C3orf52: variants seen among roughly 807,000 people sequenced by gnomAD.
The protein encoded by C3orf52 is TPA-induced transmembrane protein.
A neutral mutation model predicts 24.8 loss-of-function variants in C3orf52; 22 were observed. The observed-to-expected ratio is 0.89, with a 90% CI of 0.63 to 1.27. The LOEUF (loss-of-function observed/expected upper bound fraction) is 1.27, where lower values mean the gene tolerates loss of function less well. Among genes scored for constraint, C3orf52 ranks in the 50% most tolerant of loss-of-function variants. C3orf52 has a pLI of 0.00. For synonymous variants in C3orf52, 93 were observed against 100.2 expected, an observed-to-expected ratio of 0.93 and a Z score of 0.43; for missense variants, 265 against 260.7, an observed-to-expected ratio of 1.02 and a Z score of -0.11.
intron 1 of C3orf52, among the ~76,000 whole-genome samples, chr3:112,089,461 G>A (rs1480566426): frequency 1.3e-5 from 2 of 151,428 alleles, no homozygotes; most frequent in South Asian, 2.1e-4. Flanking sequence ...CCTGGGAGGC[G>A]GAGGTCGTGG....
intron 1 of C3orf52, among the ~76,000 whole-genome samples, chr3:112,090,581 T>G (rs951985592): frequency 7.2e-5 from 11 of 152,180 alleles, no homozygotes; most frequent in African/African-American, 2.7e-4. Context: ...GACAGGTCAG[T>G]GAGGGCACTA....
intron 4 of C3orf52, among the ~76,000 whole-genome samples, chr3:112,124,374 C>T (rs768532498): frequency 1.4e-4 from 21 of 152,186 alleles, no homozygotes; most frequent in South Asian, 4.2e-4. Context: ...TTTGGGAGGC[C>T]GAAGTGGGTG....
intron 3 of C3orf52, among the ~76,000 whole-genome samples, chr3:112,103,191 C>CA (rs2073990951): frequency 6.6e-6 from 1 of 152,064 alleles, no homozygotes; most frequent in Non-Finnish European, 1.5e-5. Context: ...AAGAGAGGAA[C>CA]AGACACTGGG....
chr3:112,088,219 T>C (rs1230214435), intron 1 of C3orf52, among the ~76,000 whole-genome samples: 1 of 152,228 alleles, frequency 6.6e-6, no homozygotes, highest in East Asian at 1.9e-4. Flanking sequence ...GTTCAAGGAA[T>C]GCCTTGAACT....
At chr3:112,109,635 T>C in intron 4 of C3orf52, 22 bp downstream of exon 4, 1 of 1,449,472 alleles carries the variant, frequency 6.9e-7, no homozygotes, top group Non-Finnish European at 9.6e-7. Context: ...GAACATTACA[T>C]TTTGCTCTCT....
intron 5 of C3orf52, among the ~76,000 whole-genome samples, chr3:112,115,880 A>G (rs2074129397): frequency 1.3e-5 from 2 of 152,194 alleles, no homozygotes; most frequent in Non-Finnish European, 1.5e-5. Context: ...TTTTAAGTCC[A>G]TCATCCCTCA....
rs2074154570 is a variant in C3orf52 at position 112,118,056 on chromosome 3, C to T, written c.*1410C>T. On this transcript the variant is annotated 3_prime_UTR_variant, in exon 6 of 6. Transcript: ENST00000264848. Reference sequence around the variant, plus strand: ...CATTGTCTCATTTTAGTGATTGTTCCTTAAACTAGTGAAACTAGTGGATTT... The same window carrying T: ...CATTGTCTCATTTTAGTGATTGTTCTTTAAACTAGTGAAACTAGTGGATTT... 6.6e-6 allele frequency: 1 copy of T among 152,174 alleles called. No individual in the cohort carries two copies. Among genetic ancestry groups the T allele is most frequent in the Admixed American group, 6.5e-5 (1 of 15,288 alleles). 9.4% of individuals were successfully genotyped at this position (152,174 alleles called of 1,614,324 possible). A position where few individuals can be genotyped will look rare whatever the true frequency, so the allele number is the denominator to read the frequency against.
chr3:112,107,374 C>T (rs148217743), intron 3 of C3orf52, among the ~76,000 whole-genome samples: 126 of 152,352 alleles, frequency 8.3e-4, no homozygotes, highest in African/African-American at 2.8e-3. Context: ...TCCATCACAG[C>T]ATCCCCGTGA....
At chr3:112,128,702 T>C (rs1434969080) in exon 5 of C3orf52, 1 of 162,918 alleles carries the variant, frequency 6.1e-6, no homozygotes, top group Non-Finnish European at 1.4e-5. Context: ...TCAGCAAATC[T>C]ACCACCTTGA....
intron 2 of C3orf52, among the ~76,000 whole-genome samples, chr3:112,097,103 T>C (rs1235103158): frequency 6.6e-6 from 1 of 152,238 alleles, no homozygotes; most frequent in African/African-American, 2.4e-5. Context: ...TAAGGAATTA[T>C]AAATTTCTTG....
At chr3:112,093,292 A>G in intron 1 of C3orf52, 68 bp from the exon 2 acceptor site, 1 of 1,551,194 alleles carries the variant, frequency 6.4e-7, no homozygotes, top group South Asian at 1.2e-5. Context: ...TCTCTGGCAC[A>G]TCCTAGGTAT....
chr3:112,112,819 A>G (rs751953996), intron 4 of C3orf52, 145 bp from the exon 5 acceptor site: 19 of 757,706 alleles, frequency 2.5e-5, no homozygotes, highest in Non-Finnish European at 4.1e-5. Flanking sequence ...ATAGGACAGT[A>G]TGTTCTTCCA....
intron 2 of C3orf52, among the ~76,000 whole-genome samples, chr3:112,098,661 A>G (rs983791213): frequency 2.0e-5 from 3 of 152,206 alleles, no homozygotes; most frequent in Admixed American, 1.3e-4. Context: ...GCTTATACAT[A>G]ACAGAAATTT....
intron 2 of C3orf52, among the ~76,000 whole-genome samples, chr3:112,095,870 G>A (rs4682357): frequency 0.53 from 80,265 of 151,746 alleles, 22,956 homozygotes; most frequent in East Asian, 0.76. Context: ...GAGCAGTTCC[G>A]TAGGCATTTT....
rs773186937 is a variant in C3orf52 at position 112,093,489 on chromosome 3, G to A, written c.268G>A (p.Val90Ile). Residue 90 changes from valine to isoleucine, a missense_variant and splice_region_variant, in exon 2 of 6, where the codon GTA becomes ATA. Transcript: ENST00000264848. ...VIIIGLCLAA[V>I]TYVDEDENEI... is the part of the protein sequence containing the mutation. Reference sequence around the variant, plus strand: ...CATCATAGGCTTATGTCTTGCTGCAGGTAAGAGGATTTAGATGTGAATAAA... The same window carrying A: ...CATCATAGGCTTATGTCTTGCTGCAAGTAAGAGGATTTAGATGTGAATAAA... 2 of 1,611,772 alleles carry A rather than the reference G, an allele frequency of 1.2e-6. No homozygotes were observed. The highest frequency in any genetic ancestry group is 2.7e-5 in the African/African-American group (2 of 74,846).
At chr3:112,088,862 G>C (rs879348089) in intron 1 of C3orf52, among the ~76,000 whole-genome samples, 2 of 152,150 alleles carry the variant, frequency 1.3e-5, no homozygotes, top group Admixed American at 6.5e-5. Flanking sequence ...AGGTGGATGG[G>C]TGAGGAATCG....
chr3:112,117,036 T>G lies in C3orf52; in HGVS notation c.*390T>G, dbSNP rs988009322. ...GGCGTGATCATGGCACTGCTATTCT[T>G]GAAGCACTCCACCCACCTGGGCTAC... On this transcript the variant is annotated 3_prime_UTR_variant, in exon 6 of 6. Coordinates refer to ENST00000264848, the MANE Select transcript of C3orf52 (RefSeq NM_024616.3). The G allele has an allele frequency of 2.0e-6, 2 of 998,012 alleles. No individual in the cohort carries two copies. Among genetic ancestry groups the G allele is most frequent in the African/African-American group, 3.2e-5 (2 of 61,722 alleles). 61.8% of individuals were successfully genotyped at this position (998,012 alleles called of 1,614,324 possible).
chr3:112,117,120 C>A lies in C3orf52; in HGVS notation c.*474C>A. On this transcript the variant is annotated 3_prime_UTR_variant, in exon 6 of 6. Transcript: ENST00000264848. ...TTAGGTGGGATCGCGTAAGCATGAG[C>A]TGGTAGAGCACGGAGAGGCAGGCAG... 1 of 589,324 alleles carries A rather than the reference C, an allele frequency of 1.7e-6. No homozygotes were observed. 36.5% of individuals were successfully genotyped at this position (589,324 alleles called of 1,614,324 possible). A position where few individuals can be genotyped will look rare whatever the true frequency, so the allele number is the denominator to read the frequency against.
downstream of C3orf52, among the ~76,000 whole-genome samples, chr3:112,120,545 G>T (rs2074177901): frequency 6.6e-6 from 1 of 152,190 alleles, no homozygotes; most frequent in Admixed American, 6.5e-5. Flanking sequence ...TGCAGTTGTG[G>T]CATAAATTGT....
Sources: gnomAD v4.1 joint callset for allele counts (sites outside exome capture counted in the v4.1 genomes callset) on GRCh38, gnomAD v4.1.1 for gene constraint, MANE v1.5 for transcripts, NCBI Gene and HGNC (gene_info 2026-07-23, HGNC 2026-07-21) for gene names.